The following DAB1 variants were observed in gnomAD, a reference collection of about 807,000 sequenced individuals.
DAB1 encodes the protein disabled homolog 1.
A neutral mutation model predicts 64.6 loss-of-function variants in DAB1; 15 were observed. The observed-to-expected ratio is 0.23, with a 90% confidence interval of 0.16 to 0.36. DAB1 has a LOEUF of 0.36. DAB1 is among the 10% of genes least tolerant of loss of function. The pLI, the probability that DAB1 is intolerant of heterozygous loss-of-function variation, is 1.00. For missense variants in DAB1, 596 were observed against 706.7 expected, an observed-to-expected ratio of 0.84 and a Z score of 1.78; for synonymous variants, 235 against 251.9, an observed-to-expected ratio of 0.93 and a Z score of 0.64.
At chr1:57,591,342 T>C (rs562967060) in intron 7 of DAB1, among the ~76,000 whole-genome samples, 1 of 152,324 alleles carries the variant, frequency 6.6e-6, no homozygotes, top group Admixed American at 6.5e-5. Flanking sequence ...CAGGACCTGG[T>C]GACTGGCCCA....
rs563304717 is a variant in DAB1, at chr1:58,154,305, T to C, written n.310-3717A>G. 4.3e-3 allele frequency among the ~76,000 whole-genome samples: 649 copies of C among 152,190 alleles called. 3 individuals are homozygous for C. Among genetic ancestry groups the C allele is most frequent in the Non-Finnish European group, 6.4e-3 (438 of 68,002 alleles). On this transcript the variant is annotated intron_variant and non_coding_transcript_variant, in intron 4 of 20. Coordinates refer to the DAB1 transcript ENST00000485760. ...GAAAAACCCAACACAATGGCTGTCA[T>C]GGTGTTGGGTCAGCCACTGAAGGGA...
At chr1:57,829,179 C>G (rs1324409648) in intron 1 of DAB1, among the ~76,000 whole-genome samples, 2 of 151,994 alleles carry the variant, frequency 1.3e-5, no homozygotes, top group Admixed American at 1.3e-4. Context: ...TCTTCTCTTG[C>G]CAAGGTGCAT....
intron 3 of DAB1, among the ~76,000 whole-genome samples, chr1:58,412,711 A>C (rs1569742624): frequency 1.3e-5 from 2 of 152,348 alleles, no homozygotes; most frequent in Non-Finnish European, 2.9e-5. Context: ...GCAATTGCCC[A>C]ATAAATGTCT....
At chr1:58,058,216 T>A (rs1307289221) in intron 5 of DAB1, among the ~76,000 whole-genome samples, 1 of 152,160 alleles carries the variant, frequency 6.6e-6, no homozygotes, top group East Asian at 1.9e-4. Context: ...AGTACCATTC[T>A]AAGTTATTTA....
At chr1:58,180,240 GT>G (rs1656702680) in intron 4 of DAB1, among the ~76,000 whole-genome samples, 1 of 141,360 alleles carries the variant, frequency 7.1e-6, no homozygotes. Flanking sequence ...GGAAACACAG[GT>G]CAATGGTCTG....
chr1:58,300,584 GAAAGAAAGAAA>G (rs1662108325), intron 4 of DAB1, among the ~76,000 whole-genome samples: 6 of 22,566 alleles, frequency 2.7e-4, no homozygotes, highest in Non-Finnish European at 6.0e-4. Flanking sequence ...AAGAAAGAAA[GAAAGAAAGAAA>G]GAAAGAAAGA....
intron 2 of DAB1, among the ~76,000 whole-genome samples, chr1:57,205,573 A>G (rs1192855309): frequency 6.6e-6 from 1 of 152,252 alleles, no homozygotes; most frequent in African/African-American, 2.4e-5. Context: ...ATCAACTACT[A>G]TGTGTCAGAG....
rs139332290 is a variant in DAB1, at chr1:57,319,225, C to T, written c.-136-28059G>A. On this transcript the variant is annotated intron_variant, in intron 1 of 14. Transcript: ENST00000371236. ...GAAACAGCTTGCTTGGGGATTGAAGCGGGGAACCATTGAGATGGGCACCTT... is the reference window on the plus strand; with the variant it reads ...GAAACAGCTTGCTTGGGGATTGAAGTGGGGAACCATTGAGATGGGCACCTT... Among the ~76,000 whole-genome samples, 83 of 152,210 alleles carry T rather than the reference C, an allele frequency of 5.5e-4. 1 individual carries two copies. The East Asian group carries it at 0.013, about 25-fold the overall frequency.
intron 3 of DAB1, among the ~76,000 whole-genome samples, chr1:58,364,151 C>T (rs534916700): frequency 6.6e-6 from 1 of 152,312 alleles, no homozygotes; most frequent in African/African-American, 2.4e-5. Flanking sequence ...CTTTAATACA[C>T]TGCTGTGTCA....
chr1:57,044,070 T>C (rs1344669189), intron 9 of DAB1, among the ~76,000 whole-genome samples: 2 of 152,212 alleles, frequency 1.3e-5, no homozygotes, highest in East Asian at 1.9e-4. Flanking sequence ...GGCACACTCT[T>C]CATCTGATTG....
At chr1:57,999,415 T>C (rs755375662) in intron 5 of DAB1, among the ~76,000 whole-genome samples, 1 of 152,154 alleles carries the variant, frequency 6.6e-6, no homozygotes, top group Non-Finnish European at 1.5e-5. Context: ...GATCAGCACT[T>C]TGTGTTTTAA....
At chr1:58,388,447 C>T (rs1042358825) in intron 3 of DAB1, among the ~76,000 whole-genome samples, 2 of 152,180 alleles carry the variant, frequency 1.3e-5, no homozygotes, top group African/African-American at 4.8e-5. Context: ...ATCCTTTACC[C>T]TTCTTCCTGC....
At chr1:57,824,095 A>G (rs965718374), downstream of DAB1, among the ~76,000 whole-genome samples, 1 of 152,208 alleles carries the variant, frequency 6.6e-6, no homozygotes, top group African/African-American at 2.4e-5. Context: ...CTGTCAATTC[A>G]TTTAGTCTAT....
chr1:58,435,277 G>A (rs1644928951), intron 3 of DAB1, among the ~76,000 whole-genome samples: 1 of 152,074 alleles, frequency 6.6e-6, no homozygotes, highest in Non-Finnish European at 1.5e-5. Context: ...TAGCCTTTCT[G>A]TCTCTGTCTC....
intron 6 of DAB1, among the ~76,000 whole-genome samples, chr1:57,789,456 G>A (rs1323804084): frequency 6.6e-6 from 1 of 152,168 alleles, no homozygotes; most frequent in African/African-American, 2.4e-5. Context: ...CACAGTTGTG[G>A]AGGCTAGAAT....
At chr1:58,337,431 A>T (rs953412371) in intron 4 of DAB1, among the ~76,000 whole-genome samples, 3 of 152,202 alleles carry the variant, frequency 2.0e-5, no homozygotes, top group Admixed American at 6.5e-5. Flanking sequence ...TTTTCCAGAA[A>T]CCCAAGAGGC....
At chr1:57,964,980 C>T (rs1645621679) in intron 5 of DAB1, among the ~76,000 whole-genome samples, 1 of 147,330 alleles carries the variant, frequency 6.8e-6, no homozygotes, top group South Asian at 2.1e-4. Context: ...AAAAGTGTTT[C>T]ACCCAAGAAG....
At chr1:57,273,152 G>A (rs2100597382) in intron 2 of DAB1, among the ~76,000 whole-genome samples, 1 of 152,324 alleles carries the variant, frequency 6.6e-6, no homozygotes, top group Admixed American at 6.5e-5. Context: ...GTTTCCACCA[G>A]ATGGTAGTGA....
intron 7 of DAB1, among the ~76,000 whole-genome samples, chr1:57,582,265 C>A (rs949347017): frequency 2.0e-5 from 3 of 152,150 alleles, no homozygotes; most frequent in African/African-American, 7.2e-5. Context: ...TGGAAGAAGG[C>A]AAACGGGAAG....
Sources: allele counts gnomAD v4.1 joint callset (sites outside exome capture counted in the v4.1 genomes callset), GRCh38; gene constraint gnomAD v4.1.1; transcripts MANE v1.5; gene names NCBI Gene and HGNC (gene_info 2026-07-23, HGNC 2026-07-21).